TTC17: variants seen among roughly 807,000 people sequenced by gnomAD.
The protein encoded by TTC17 is tetratricopeptide repeat domain 17.
In TTC17, 58 loss-of-function variants were observed where a neutral mutation model predicts 143.8. The ratio of observed to expected loss-of-function variants is 0.40; its 90% CI spans 0.33 to 0.50. The LOEUF (loss-of-function observed/expected upper bound fraction) is 0.50, where lower values mean the gene tolerates loss of function less well. TTC17 is among the 20% of genes least tolerant of loss of function. The pLI is 0.49. For missense variants in TTC17, 1,273 were observed against 1,392.5 expected, an observed-to-expected ratio of 0.91 and a Z score of 1.37; for synonymous variants, 501 against 497.8, an observed-to-expected ratio of 1.01 and a Z score of -0.09.
chr11:43,381,188 T>C (rs1472917895), intron 2 of TTC17, among the ~76,000 whole-genome samples: 2 of 152,252 alleles, frequency 1.3e-5, no homozygotes, highest in African/African-American at 4.8e-5. Flanking sequence ...TATAAACTTC[T>C]ATTTTTGTTT....
chr11:43,492,086 G>C lies in TTC17; in HGVS notation c.3217G>C (p.Val1073Leu). 2 of 1,614,142 alleles carry C rather than the reference G, an allele frequency of 1.2e-6. No individual in the cohort carries two copies. The highest frequency in any genetic ancestry group is 1.7e-6 in the Non-Finnish European group (2 of 1,180,002). ...CAAGCTCTGGAATGACGCCGTCATA[G>C]TAGCCACCATGGCAGTAGAGATCGC... ...NAKLWNDAVI[V>L]ATMAVEIAPH... Residue 1073 changes from valine to leucine, a missense_variant, in exon 23 of 24, where the codon GTA becomes CTA. This residue lies in a region of TTC17 where 878 missense variants were observed against 899.8 expected (regional missense o/e 0.98). Coordinates refer to ENST00000039989, the MANE Select transcript of TTC17 (RefSeq NM_018259.6).
At chr11:43,389,445 A>G (rs1262294401) in intron 2 of TTC17, among the ~76,000 whole-genome samples, 2 of 152,152 alleles carry the variant, frequency 1.3e-5, no homozygotes, top group East Asian at 1.9e-4. Flanking sequence ...AGTATGATAA[A>G]TGTTGTGTTC....
chr11:43,367,339 T>TA (rs2134441773), intron 1 of TTC17, among the ~76,000 whole-genome samples: 1 of 152,284 alleles, frequency 6.6e-6, no homozygotes, highest in African/African-American at 2.4e-5. Flanking sequence ...CCAGTTTAGA[T>TA]ATCTAAAAGG....
intron 1 of TTC17, among the ~76,000 whole-genome samples, chr11:43,362,149 TTGTG>T (rs3978779): frequency 0.35 from 48,368 of 137,764 alleles, 8,286 homozygotes; most frequent in East Asian, 0.53. Context: ...CCCGGCTAAT[TTGTG>T]TGTGTGTGTG....
intron 1 of TTC17, among the ~76,000 whole-genome samples, chr11:43,366,433 G>T (rs57948199): frequency 0.14 from 20,539 of 151,290 alleles, 3,705 homozygotes; most frequent in African/African-American, 0.42. Flanking sequence ...TTGAGCCCGG[G>T]AGGTGGAGGT....
intron 8 of TTC17, 36 bp from the exon 9 acceptor site, chr11:43,399,852 A>C (rs1463334424): frequency 1.3e-6 from 2 of 1,562,776 alleles, no homozygotes; most frequent in South Asian, 2.4e-5. Context: ...ATGATTTTAT[A>C]GCTCTAACTT....
intron 1 of TTC17, among the ~76,000 whole-genome samples, chr11:43,375,852 G>A (rs1856746183): frequency 6.6e-6 from 1 of 152,106 alleles, no homozygotes; most frequent in African/African-American, 2.4e-5. Flanking sequence ...AATCTGATTT[G>A]GCAGTGAAAT....
intron 21 of TTC17, among the ~76,000 whole-genome samples, chr11:43,483,413 A>C (rs558845089): frequency 3.9e-5 from 6 of 152,204 alleles, no homozygotes; most frequent in African/African-American, 1.4e-4. Flanking sequence ...GTCATATATA[A>C]TTTTTAAGTT....
At chr11:43,486,720 C>A (rs1383121631) in intron 21 of TTC17, among the ~76,000 whole-genome samples, 2 of 152,166 alleles carry the variant, frequency 1.3e-5, no homozygotes, top group Admixed American at 6.5e-5. Flanking sequence ...TAGTTATATA[C>A]CTAATATTTA....
intron 20 of TTC17, 121 bp from the exon 21 acceptor site, chr11:43,451,061 C>G (rs1161694327): frequency 1.9e-5 from 16 of 840,800 alleles, no homozygotes; most frequent in Non-Finnish European, 3.0e-5. Context: ...AATAGGACCA[C>G]AGCATGTATC....
At chr11:43,462,371 A>G (rs1947884863) in intron 21 of TTC17, among the ~76,000 whole-genome samples, 1 of 152,234 alleles carries the variant, frequency 6.6e-6, no homozygotes, top group Non-Finnish European at 1.5e-5. Flanking sequence ...CCTAAAGCCA[A>G]TCACATGTAT....
At position 43,358,941 on chromosome 11, in the gene TTC17, G is replaced by T. The variant is rs762915124; in HGVS notation, c.-14G>T. The T allele has an allele frequency of 6.4e-7, 1 of 1,566,980 alleles. No individual in the cohort carries two copies. The highest frequency in any genetic ancestry group is 1.4e-5 in the African/African-American group (1 of 71,582). On this transcript the variant is annotated 5_prime_UTR_variant, in exon 1 of 24. Transcript: ENST00000039989. ...TTCCGCTTCCGGTGTGAGCGGCCCG[G>T]CCGGGGGGGCAAGATGGCGGCGGCA...
chr11:43,399,555 A>T (rs980189383), intron 8 of TTC17, among the ~76,000 whole-genome samples: 1 of 151,988 alleles, frequency 6.6e-6, no homozygotes, highest in Non-Finnish European at 1.5e-5. Context: ...GTAGTCCCAG[A>T]TACTCCCCAG....
intron 23 of TTC17, 87 bp from the exon 24 acceptor site, chr11:43,493,686 G>A: frequency 6.3e-7 from 1 of 1,591,504 alleles, no homozygotes; most frequent in Non-Finnish European, 8.6e-7. Context: ...CCCTAGTACA[G>A]AGGTGCTTCT....
chr11:43,406,497 G>T (rs1327057290), intron 13 of TTC17, among the ~76,000 whole-genome samples: 1 of 150,116 alleles, frequency 6.7e-6, no homozygotes, highest in African/African-American at 2.5e-5. Flanking sequence ...TACCATATTA[G>T]ATATCATTCC....
intron 1 of TTC17, 150 bp from the exon 2 acceptor site, chr11:43,379,083 G>T: frequency 1.4e-6 from 1 of 727,618 alleles, no homozygotes; most frequent in South Asian, 1.6e-5. Flanking sequence ...ATTTACATGT[G>T]ATCACTTTGA....
intron 21 of TTC17, among the ~76,000 whole-genome samples, chr11:43,486,978 G>A (rs1948392602): frequency 6.6e-6 from 1 of 152,176 alleles, no homozygotes; most frequent in Admixed American, 6.5e-5. Context: ...GAGCCCAGGA[G>A]TTCAAGGCTA....
In TTC17 at chr11:43,492,028, C is replaced by T. The variant is rs1564988095; in HGVS notation, c.3159C>T (p.Pro1053=). 3 of 1,613,728 alleles carry T rather than the reference C, an allele frequency of 1.9e-6. No individual in the cohort carries two copies. Among genetic ancestry groups the T allele is most frequent in the South Asian group, 2.2e-5 (2 of 90,956 alleles). Residue 1053 remains proline (P), a synonymous_variant, in exon 23 of 24, where the codon CCC becomes CCT. Coordinates refer to ENST00000039989, the MANE Select transcript of TTC17 (RefSeq NM_018259.6). ...HYAPHQMKDV[P]LISLANILHN... is the part of the protein sequence containing the mutation. ...TCTCCTTCTTCTCCCAGGATGTGCC[C>T]CTGATTAGCCTGGCCAACATCTTGC...
intron 8 of TTC17, among the ~76,000 whole-genome samples, chr11:43,399,124 T>C (rs1403554566): frequency 2.0e-5 from 3 of 152,206 alleles, no homozygotes; most frequent in Non-Finnish European, 4.4e-5. Flanking sequence ...CTGTAGTTTT[T>C]CCTGGCCTGT....
Sources: allele counts gnomAD v4.1 joint callset (sites outside exome capture counted in the v4.1 genomes callset), GRCh38; gene constraint gnomAD v4.1.1; regional missense constraint gnomAD v4.1.1; transcripts MANE v1.5; gene names NCBI Gene and HGNC (gene_info 2026-07-23, HGNC 2026-07-21).